BDH1: variants seen among roughly 807,000 people sequenced by gnomAD.
BDH1 encodes 3-hydroxybutyrate dehydrogenase 1, also known as D-beta-hydroxybutyrate dehydrogenase, mitochondrial.
Under a neutral mutation model 33.1 loss-of-function variants are expected in BDH1, and 30 were observed. The ratio of observed to expected loss-of-function variants is 0.91; its 90% CI spans 0.68 to 1.23. The LOEUF (loss-of-function observed/expected upper bound fraction) is 1.23. Among genes scored for constraint, BDH1 ranks in the 50% most tolerant of loss-of-function variants. The probability of loss-of-function intolerance (pLI) is 0.00; values close to 1 mark genes in which losing one functional copy is unlikely to be tolerated. For synonymous variants in BDH1, 190 were observed against 183.6 expected (o/e 1.03, Z -0.28); for missense variants, 443 against 464.4 (o/e 0.95, Z 0.42).
upstream of BDH1, among the ~76,000 whole-genome samples, chr3:197,556,755 C>T (rs926119919): frequency 2.0e-5 from 3 of 152,182 alleles, no homozygotes; most frequent in African/African-American, 7.2e-5. Flanking sequence ...AATAGAACAA[C>T]GGAGGGCCAT....
At chr3:197,549,391 G>T (rs139824927) in intron 2 of BDH1, among the ~76,000 whole-genome samples, 1 of 152,208 alleles carries the variant, frequency 6.6e-6, no homozygotes, top group East Asian at 1.9e-4. Context: ...CTCACTGCTG[G>T]GCTCACTGTG....
Position 197,523,610 on chromosome 3 carries a change from G to C in BDH1, c.268-829C>G, listed in dbSNP as rs981243533. Among the ~76,000 whole-genome samples the C allele has an allele frequency of 6.6e-6, 1 of 152,196 alleles. No homozygotes were observed. Among genetic ancestry groups the C allele is most frequent in the Non-Finnish European group, 1.5e-5 (1 of 68,032 alleles). Reference sequence around the variant, plus strand: ...ATTTCTTGGGCCCCTATCGTGTTCCGGCACTGTGCTAGGAACTGGAGGTCA... The same window carrying C: ...ATTTCTTGGGCCCCTATCGTGTTCCCGCACTGTGCTAGGAACTGGAGGTCA... On this transcript the variant is annotated intron_variant, in intron 5 of 7. Transcript: ENST00000392379. The surrounding 1 kb of genome is among the most constrained non-coding windows in gnomAD (Gnocchi z 4.5).
rs999045190 is a variant in BDH1 at position 197,554,955 on chromosome 3, C to T, written c.-195-242G>A. On this transcript the variant is annotated intron_variant, in intron 1 of 7. Transcript: ENST00000392379. The surrounding 1 kb of genome is among the most constrained non-coding windows in gnomAD (Gnocchi z 4.4). ...CCAATCCCAGAGCAGCGCTCCCCAACGGCCGGCCGGAGGGCGGGGAGAGAG... is the reference window on the plus strand; with the variant it reads ...CCAATCCCAGAGCAGCGCTCCCCAATGGCCGGCCGGAGGGCGGGGAGAGAG... 7.2e-5 allele frequency among the ~76,000 whole-genome samples: 11 copies of T among 152,364 alleles called. No individual in the cohort carries two copies. The highest frequency in any genetic ancestry group is 2.9e-5 in the Non-Finnish European group (2 of 68,032).
At chr3:197,562,098 G>A (rs1166807350) in intron 1 of BDH1, among the ~76,000 whole-genome samples, 8 of 152,160 alleles carry the variant, frequency 5.3e-5, no homozygotes, top group Non-Finnish European at 1.0e-4. Flanking sequence ...TGGCTTTGGG[G>A]GAACCAGAGA....
At chr3:197,573,196 C>G (rs1236778462) in exon 1 of BDH1, 1 of 152,198 alleles carries the variant, frequency 6.6e-6, no homozygotes, top group Non-Finnish European at 1.5e-5. Flanking sequence ...CTGGCAGGTG[C>G]CTCAGCACTA....
rs1716986264 is a variant in BDH1, at chr3:197,555,850, CG to C, written c.-266del. The stretch of plus-strand genomic sequence containing the variant: ...AGGCTCTCGCCTTCACCCGGCGCCG[CG>C]CAGGTGCCCGCTCTCCTGCGGGGAG... On this transcript the variant is annotated 5_prime_UTR_variant, in exon 1 of 8. Transcript: ENST00000392379. 1 of 152,410 alleles carries C rather than the reference CG, an allele frequency of 6.6e-6. No individual in the cohort carries two copies. The highest frequency in any genetic ancestry group is 1.9e-4 in the East Asian group (1 of 5,174). The allele number at this position is 152,410 out of a possible 1,614,324, so 9.4% of individuals were successfully genotyped here. A position where few individuals can be genotyped will look rare whatever the true frequency, so the allele number is the denominator to read the frequency against.
intron 3 of BDH1, among the ~76,000 whole-genome samples, chr3:197,537,138 A>G (rs991543951): frequency 6.6e-5 from 10 of 151,934 alleles, no homozygotes; most frequent in African/African-American, 2.4e-4. Context: ...ACAGGCATGC[A>G]CCACCAGGTT....
In BDH1 at chr3:197,555,663, C is replaced by G. The variant is rs147953473; in HGVS notation, c.-196+118G>C. On this transcript the variant is annotated intron_variant, in intron 1 of 7. Coordinates refer to ENST00000392379, the MANE Select transcript of BDH1 (RefSeq NM_203314.3). ...GCTCGGCCTGTAGGGCGCGAGCCCC[C>G]CTTCCCCACCCGTATCCCGGCTTCG... 929 of 152,510 alleles carry G rather than the reference C, an allele frequency of 6.1e-3. 3 individuals carry two copies. Among genetic ancestry groups the G allele is most frequent in the Non-Finnish European group, 8.8e-3 (602 of 68,174 alleles). 9.4% of individuals were successfully genotyped at this position (152,510 alleles called of 1,614,324 possible).
Position 197,522,716 on chromosome 3 carries a change from C to T in BDH1, c.333G>A (p.Gln111=), listed in dbSNP as rs760335872. The change falls in exon 6 of 8, where the codon CAG becomes CAA. Residue 111 remains glutamine, a synonymous_variant. Coordinates refer to ENST00000392379, the MANE Select transcript of BDH1 (RefSeq NM_203314.3). The surrounding 1 kb of genome is among the most constrained non-coding windows in gnomAD (Gnocchi z 4.8). The part of the protein sequence containing the change: ...SLNSDRLRTV[Q]LNVCSSEEVE... ...CCTCTTCGCTGCTGCAGACATTGAG[C>T]TGGACGGTTCTCAATCGGTCACTGT... 1 of 1,614,102 alleles carries T rather than the reference C, an allele frequency of 6.2e-7. No individual in the cohort carries two copies. Among genetic ancestry groups the T allele is most frequent in the African/African-American group, 1.3e-5 (1 of 74,934 alleles).
At chr3:197,542,387 T>C (rs1715708314) in intron 3 of BDH1, among the ~76,000 whole-genome samples, 1 of 152,144 alleles carries the variant, frequency 6.6e-6, no homozygotes, top group South Asian at 2.1e-4. Flanking sequence ...GGGTCTCCTC[T>C]GCCCAGGAGG....
chr3:197,556,392 G>A (rs1717043002), upstream of BDH1, among the ~76,000 whole-genome samples: 1 of 152,240 alleles, frequency 6.6e-6, no homozygotes, highest in African/African-American at 2.4e-5. Context: ...TAAAGGCCGG[G>A]GGCGGTGGCT....
In BDH1 at chr3:197,562,729, C is replaced by T. The variant is rs879264446; in HGVS notation, c.-44+10452G>A. On this transcript the variant is annotated intron_variant, in intron 1 of 6. Coordinates refer to the BDH1 transcript ENST00000358186. ...TCACATCGATCCATGCACAAAAACCCTAGGCCACAGCTCAATTCTTCCTTT... is the reference window on the plus strand; with the variant it reads ...TCACATCGATCCATGCACAAAAACCTTAGGCCACAGCTCAATTCTTCCTTT... Among the ~76,000 whole-genome samples the T allele has an allele frequency of 2.0e-5, 3 of 151,796 alleles. No homozygotes were observed. The East Asian group carries it at 5.8e-4, about 29-fold the overall frequency.
intron 1 of BDH1, among the ~76,000 whole-genome samples, chr3:197,565,096 AT>A (rs1020623200): frequency 6.6e-6 from 1 of 151,986 alleles, no homozygotes; most frequent in Non-Finnish European, 1.5e-5. Context: ...CTAATTTTGT[AT>A]TTTTAGTATA....
At chr3:197,571,677 T>C (rs1397641654) in intron 1 of BDH1, among the ~76,000 whole-genome samples, 3 of 152,260 alleles carry the variant, frequency 2.0e-5, no homozygotes, top group East Asian at 3.8e-4. Context: ...CATGTGGAAC[T>C]GTGAGTCCAT....
chr3:197,556,024 G>A (rs542402583), upstream of BDH1: 2 of 152,232 alleles, frequency 1.3e-5, no homozygotes, highest in African/African-American at 4.8e-5. Context: ...CGTGGCTGTC[G>A]GGGGGCCGCC....
At chr3:197,540,917 G>A (rs563977523) in intron 3 of BDH1, among the ~76,000 whole-genome samples, 26 of 152,292 alleles carry the variant, frequency 1.7e-4, no homozygotes, top group African/African-American at 6.0e-4. Flanking sequence ...GCAATACCCT[G>A]ACAAGGTGGG....
chr3:197,567,875 T>C (rs1717484734), intron 1 of BDH1, among the ~76,000 whole-genome samples: 1 of 152,184 alleles, frequency 6.6e-6, no homozygotes, highest in Non-Finnish European at 1.5e-5. Flanking sequence ...ATAGGCTTTG[T>C]AGAAGAGGTA....
chr3:197,550,902 T>G (rs1716512934), intron 2 of BDH1, among the ~76,000 whole-genome samples: 1 of 152,216 alleles, frequency 6.6e-6, no homozygotes, highest in South Asian at 2.1e-4. Flanking sequence ...TAGCTAAAAC[T>G]GAAGGCAGAA....
At position 197,521,466 on chromosome 3, in the gene BDH1, T is replaced by TG. The variant is rs538334491; in HGVS notation, c.409+1173dup. Among the ~76,000 whole-genome samples the TG allele has an allele frequency of 6.6e-6, 1 of 152,264 alleles. No homozygotes were observed. Among genetic ancestry groups the TG allele is most frequent in the South Asian group, 2.1e-4 (1 of 4,828 alleles). On this transcript the variant is annotated intron_variant, in intron 6 of 7. Coordinates refer to ENST00000392379, the MANE Select transcript of BDH1 (RefSeq NM_203314.3). The surrounding 1 kb of genome is among the most constrained non-coding windows in gnomAD (Gnocchi z 4.9). ...TCCAAACTTTCTGTTGTTTAGCCTCTGGGGAACTGTATCCAACCTCTCTGA... is the reference window on the plus strand; with the variant it reads ...TCCAAACTTTCTGTTGTTTAGCCTCTGGGGGAACTGTATCCAACCTCTCTGA...
Sources: allele counts gnomAD v4.1 joint callset (sites outside exome capture counted in the v4.1 genomes callset), GRCh38; gene constraint gnomAD v4.1.1; non-coding constraint Gnocchi (gnomAD v3.1); transcripts MANE v1.5; gene names NCBI Gene and HGNC (gene_info 2026-07-23, HGNC 2026-07-21).